Variants in CTNNAL1 observed in about 807,000 individuals in gnomAD.
The protein encoded by CTNNAL1 is catenin alpha like 1.
A neutral mutation model predicts 93.6 loss-of-function variants in CTNNAL1; 69 were observed. That is an observed-to-expected ratio of 0.74 (90% CI 0.61 to 0.90). The LOEUF (loss-of-function observed/expected upper bound fraction) is 0.90, where lower values mean the gene tolerates loss of function less well. CTNNAL1 is among the 40% of genes least tolerant of loss of function. The probability of loss-of-function intolerance (pLI) is 0.00; values close to 1 mark genes in which losing one functional copy is unlikely to be tolerated. For synonymous variants in CTNNAL1, 286 were observed against 305.4 expected, an observed-to-expected ratio of 0.94 and a Z score of 0.66; for missense variants, 836 against 862.0, an observed-to-expected ratio of 0.97 and a Z score of 0.38.
At chr9:109,006,636 AC>A (rs1314974665) in intron 1 of CTNNAL1, among the ~76,000 whole-genome samples, 1 of 152,214 alleles carries the variant, frequency 6.6e-6, no homozygotes, top group East Asian at 1.9e-4. Flanking sequence ...TCTAGAGAAC[AC>A]CTAAATGAAC....
chr9:109,012,820 G>A (rs1481960827), intron 1 of CTNNAL1, among the ~76,000 whole-genome samples: 1 of 152,212 alleles, frequency 6.6e-6, no homozygotes, highest in Admixed American at 6.5e-5. Flanking sequence ...GGGCGGGGAG[G>A]CCGGGAGGAA....
intron 8 of CTNNAL1, among the ~76,000 whole-genome samples, chr9:108,975,342 T>G (rs1587965054): frequency 1.4e-5 from 2 of 144,964 alleles, no homozygotes; most frequent in African/African-American, 2.6e-5. Context: ...GGGGTGGGGG[T>G]AGGGGGGGCA....
rs1008875045 is a variant in CTNNAL1, at chr9:109,009,376, T to A, written c.141+3926A>T. On this transcript the variant is annotated intron_variant, in intron 1 of 18. Transcript: ENST00000325551. ...TCTTTAATCCATCTGAAGTTGACTT[T>A]TTACTGGTATGAGACAGAGATCCAA... Among the ~76,000 whole-genome samples, 11 of 152,322 alleles carry A rather than the reference T, an allele frequency of 7.2e-5. No individual in the cohort carries two copies. In the South Asian group the frequency reaches 2.3e-3, roughly 32 times the overall value.
At chr9:108,953,312 T>C (rs1044118335) in intron 12 of CTNNAL1, among the ~76,000 whole-genome samples, 1 of 152,148 alleles carries the variant, frequency 6.6e-6, no homozygotes, top group Admixed American at 6.6e-5. Context: ...CGAAGTTCTC[T>C]GGAGATGATA....
At chr9:108,957,359 A>T (rs1386079606) in intron 11 of CTNNAL1, among the ~76,000 whole-genome samples, 2 of 151,882 alleles carry the variant, frequency 1.3e-5, no homozygotes, top group Non-Finnish European at 2.9e-5. Flanking sequence ...GGCTCAAGTG[A>T]TCTTCCCGCC....
At chr9:108,966,110 C>T (rs933994299) in intron 10 of CTNNAL1, among the ~76,000 whole-genome samples, 2 of 152,136 alleles carry the variant, frequency 1.3e-5, no homozygotes, top group African/African-American at 2.4e-5. Flanking sequence ...AAAGTTGAAG[C>T]TCCGAGATAC....
At chr9:108,972,857 G>A in intron 8 of CTNNAL1, 24 bp from the exon 9 acceptor site, 14 of 448,248 alleles carry the variant, frequency 3.1e-5, no homozygotes, top group Non-Finnish European at 5.5e-5. Context: ...TGTGGGTGGG[G>A]GGGTGGGAGG....
At chr9:108,972,644 C>T in intron 9 of CTNNAL1, 31 bp downstream of exon 9, 1 of 1,575,066 alleles carries the variant, frequency 6.3e-7, no homozygotes, top group Middle Eastern at 1.9e-4. Flanking sequence ...CATTATTAAA[C>T]TACAATTTCT....
intron 11 of CTNNAL1, among the ~76,000 whole-genome samples, chr9:108,959,568 C>A (rs746464631): frequency 6.6e-6 from 1 of 151,640 alleles, no homozygotes; most frequent in Non-Finnish European, 1.5e-5. Context: ...CAAAGTGAGA[C>A]CCTGTCTCCA....
At chr9:109,002,520 G>A (rs1391151662) in intron 1 of CTNNAL1, among the ~76,000 whole-genome samples, 1 of 152,184 alleles carries the variant, frequency 6.6e-6, no homozygotes, top group African/African-American at 2.4e-5. Context: ...TAACATGAAA[G>A]GGAGAATATA....
At chr9:108,958,738 T>A (rs1830748870) in intron 11 of CTNNAL1, among the ~76,000 whole-genome samples, 1 of 151,908 alleles carries the variant, frequency 6.6e-6, no homozygotes, top group South Asian at 2.1e-4. Context: ...CACTTCTTTT[T>A]TTTTTGAGAC....
In CTNNAL1 at chr9:108,944,031, G is replaced by A. The variant is rs376478832; in HGVS notation, c.1885-13C>T. ...CTGCAGCAAAAACCTGGTAGAAAGA[G>A]AAAACACCACTATTTTAGACTGATG... is the stretch of plus-strand genomic sequence containing the variant. On this transcript the variant is annotated splice_polypyrimidine_tract_variant and intron_variant, in intron 15 of 18. Coordinates refer to ENST00000325551, the MANE Select transcript of CTNNAL1 (RefSeq NM_003798.4). 52 of 1,611,520 alleles carry A rather than the reference G, an allele frequency of 3.2e-5. No individual in the cohort carries two copies. The African/African-American group carries it at 3.7e-4, about 12-fold the overall frequency.
chr9:108,972,848 GT>G lies in CTNNAL1; in HGVS notation c.1189-16del. 7.0e-7 allele frequency: 1 copy of G among 1,438,470 alleles called. No individual in the cohort carries two copies. The highest frequency in any genetic ancestry group is 9.1e-7 in the Non-Finnish European group (1 of 1,099,986). 89.1% of individuals were successfully genotyped at this position (1,438,470 alleles called of 1,614,324 possible). On this transcript the variant is annotated splice_polypyrimidine_tract_variant and intron_variant, in intron 8 of 18. Coordinates refer to ENST00000325551, the MANE Select transcript of CTNNAL1 (RefSeq NM_003798.4). ...GTACTATGAAGCTGCAGATGTGTGT[GT>G]GGGTGGGGGGGTGGGAGGGTGGAGA...
At chr9:108,974,515 A>AT (rs1442715255) in intron 8 of CTNNAL1, among the ~76,000 whole-genome samples, 1 of 152,242 alleles carries the variant, frequency 6.6e-6, no homozygotes, top group Non-Finnish European at 1.5e-5. Flanking sequence ...ATCACCACGT[A>AT]TAAAATTTAT....
intron 8 of CTNNAL1, 32 bp from the exon 9 acceptor site, chr9:108,972,865 A>ACC: frequency 6.8e-4 from 149 of 219,186 alleles, no homozygotes; most frequent in Non-Finnish European, 8.5e-4. Context: ...GGGGGGTGGG[A>ACC]GGGTGGAGAA....
intron 11 of CTNNAL1, among the ~76,000 whole-genome samples, chr9:108,964,571 A>G (rs983978309): frequency 2.6e-5 from 4 of 152,170 alleles, no homozygotes. Flanking sequence ...TTGTAGAAAT[A>G]CCAATGAACT....
chr9:108,965,814 T>C (rs1830937062), intron 10 of CTNNAL1, among the ~76,000 whole-genome samples: 1 of 152,152 alleles, frequency 6.6e-6, no homozygotes. Flanking sequence ...TTGAACAAAG[T>C]TGTTCCCATA....
At chr9:108,944,111 A>G in intron 15 of CTNNAL1, 93 bp from the exon 16 acceptor site, 1 of 1,235,928 alleles carries the variant, frequency 8.1e-7, no homozygotes. Context: ...GTAGAATTTT[A>G]AAAATAAAGC....
chr9:108,959,092 G>T (rs1428695379), intron 11 of CTNNAL1, among the ~76,000 whole-genome samples: 1 of 151,810 alleles, frequency 6.6e-6, no homozygotes, highest in Non-Finnish European at 1.5e-5. Flanking sequence ...GGGCATGGTG[G>T]CTCATGCCTG....
Sources: gnomAD v4.1 joint callset for allele counts (sites outside exome capture counted in the v4.1 genomes callset) on GRCh38, gnomAD v4.1.1 for gene constraint, MANE v1.5 for transcripts, NCBI Gene and HGNC (gene_info 2026-07-23, HGNC 2026-07-21) for gene names.